VCAM1: variants seen among roughly 807,000 people sequenced by gnomAD.
VCAM1 encodes vascular cell adhesion molecule 1.
Under a neutral mutation model 63.8 loss-of-function variants are expected in VCAM1, and 41 were observed. That is an observed-to-expected ratio of 0.64 (90% CI 0.50 to 0.83). VCAM1 has a LOEUF of 0.83. Ranked by LOEUF, VCAM1 falls within the 40% of genes least tolerant of loss-of-function variation. The pLI is 0.00. For missense variants in VCAM1, 798 were observed against 875.5 expected (o/e 0.91, Z 1.12); for synonymous variants, 338 against 320.7 (o/e 1.05, Z -0.58).
Position 100,738,763 on chromosome 1 carries a change from C to T in VCAM1, c.*480C>T, listed in dbSNP as rs1483178267. The stretch of plus-strand genomic sequence containing the variant: ...CTATATAGTTTATTGACAATAATTT[C>T]AGGTTTTGTAAAGATGCCGGGTTTT... On this transcript the variant is annotated 3_prime_UTR_variant, in exon 9 of 9. Transcript: ENST00000294728. 1.3e-5 allele frequency: 2 copies of T among 152,358 alleles called. No homozygotes were observed. The highest frequency in any genetic ancestry group is 4.8e-5 in the African/African-American group (2 of 41,410). The allele number at this position is 152,358 out of a possible 1,614,324, so 9.4% of individuals were successfully genotyped here.
chr1:100,719,778 T>C lies in VCAM1; in HGVS notation c.-83T>C. Reference sequence around the variant, plus strand: ...ATCGGGCCTCACTGGCTTCAGGAGCTGAATACCCTCCCAGGCACACACAGG... The same window carrying C: ...ATCGGGCCTCACTGGCTTCAGGAGCCGAATACCCTCCCAGGCACACACAGG... On this transcript the variant is annotated 5_prime_UTR_variant, in exon 1 of 9. Transcript: ENST00000294728. The C allele has an allele frequency of 6.9e-7, 1 of 1,446,900 alleles. No homozygotes were observed. Among genetic ancestry groups the C allele is most frequent in the Admixed American group, 1.9e-5 (1 of 53,424 alleles). 89.6% of individuals were successfully genotyped at this position (1,446,900 alleles called of 1,614,324 possible).
In VCAM1 at chr1:100,731,071, A is replaced by G. The variant is rs1660435499; in HGVS notation, c.1205-127A>G. On this transcript the variant is annotated intron_variant, in intron 5 of 8. Coordinates refer to ENST00000294728, the MANE Select transcript of VCAM1 (RefSeq NM_001078.4). The surrounding 1 kb of genome is among the most constrained non-coding windows in gnomAD (Gnocchi z 4.2). ...ATTTATAAATACTGTCATTACTTAT[A>G]TATTGACAGTCATTCTATCCCAGGT... 2 of 760,294 alleles carry G rather than the reference A, an allele frequency of 2.6e-6. No homozygotes were observed. The highest frequency in any genetic ancestry group is 4.1e-6 in the Non-Finnish European group (2 of 482,166). The allele number at this position is 760,294 out of a possible 1,614,324, so 47.1% of individuals were successfully genotyped here.
chr1:100,721,303 A>AT (rs34037455), intron 2 of VCAM1, among the ~76,000 whole-genome samples: 25 of 151,258 alleles, frequency 1.7e-4, no homozygotes, highest in Non-Finnish European at 2.2e-4. Flanking sequence ...CACATTTAGG[A>AT]TTTTTTTTTG....
intron 2 of VCAM1, among the ~76,000 whole-genome samples, chr1:100,721,498 C>T (rs1401957628): frequency 6.6e-6 from 1 of 152,100 alleles, no homozygotes; most frequent in Non-Finnish European, 1.5e-5. Context: ...ACTAACCAGA[C>T]ATAAATCATT....
Position 100,732,646 on chromosome 1 carries a change from C to T in VCAM1, c.1754C>T (p.Ala585Val), listed in dbSNP as rs1203572046. The T allele has an allele frequency of 6.2e-7, 1 of 1,605,474 alleles. No individual in the cohort carries two copies. Among genetic ancestry groups the T allele is most frequent in the Non-Finnish European group, 8.5e-7 (1 of 1,177,058 alleles). Residue 585 changes from alanine to valine, a missense_variant, in exon 7 of 9, where the codon GCT (alanine) becomes GTT (valine). By Grantham distance (64) the Ala-to-Val change is moderately conservative. Transcript: ENST00000294728. ...TATTTATGTGAAGGAATTAACCAGG[C>T]TGGAAGAAGCAGAAAGGAAGTGGAA... ...GVYLCEGINQ[A>V]GRSRKEVELI...
rs35811606 is a variant in VCAM1 at position 100,728,715 on chromosome 1, A to AATATATATATAT, written c.929-380_929-369dup. 4.8e-3 allele frequency among the ~76,000 whole-genome samples: 691 copies of AATATATATATAT among 145,020 alleles called. 8 individuals carry two copies. The highest frequency in any genetic ancestry group is 0.017 in the African/African-American group (665 of 39,006). On this transcript the variant is annotated intron_variant, in intron 4 of 8. Transcript: ENST00000294728. ...AAAATTGTTGTGAGGATTAAATGAG[A>AATATATATATAT]ATATATATATATATATATATATAGT...
chr1:100,736,253 T>C (rs1660644152), intron 8 of VCAM1: 2 of 152,318 alleles, frequency 1.3e-5, no homozygotes, highest in Middle Eastern at 6.8e-3. Flanking sequence ...AATCAAAGAA[T>C]ATTAAGCGCT....
chr1:100,720,397 G>A lies in VCAM1; in HGVS notation c.65-79G>A, dbSNP rs1659917662. 5.4e-6 allele frequency: 8 copies of A among 1,494,658 alleles called. No individual in the cohort carries two copies. The South Asian group carries it at 9.3e-5, about 17-fold the overall frequency. The allele number at this position is 1,494,658 out of a possible 1,614,324, so 92.6% of individuals were successfully genotyped here. On this transcript the variant is annotated intron_variant, in intron 1 of 8. Coordinates refer to ENST00000294728, the MANE Select transcript of VCAM1 (RefSeq NM_001078.4). ...AAGAGATCAGTCTGATCATATTTTA[G>A]ACATTATACAGAGAAGAAGGAGGAG... is the stretch of plus-strand genomic sequence containing the variant.
rs1660494100 is a variant in VCAM1, at chr1:100,732,442, T to G, written c.1550T>G (p.Leu517Trp). The G allele has an allele frequency of 1.3e-6, 2 of 1,584,626 alleles. No homozygotes were observed. The highest frequency in any genetic ancestry group is 1.7e-6 in the Non-Finnish European group (2 of 1,168,316). The change falls in exon 7 of 9, where the codon TTG becomes TGG. Residue 517 changes from leucine to tryptophan, a missense_variant. By Grantham distance (61) the Leu-to-Trp change is moderately conservative. Transcript: ENST00000294728. The part of the protein sequence containing the change: ...VNVAPRDTTV[L>W]VSPSSILEEG... The stretch of plus-strand genomic sequence containing the variant: ...GTTGCCCCCAGAGATACAACCGTCT[T>G]GGTCAGCCCTTCCTCCATCCTGGAG...
At chr1:100,737,356 G>C (rs762610594) in intron 8 of VCAM1, 4 of 152,110 alleles carry the variant, frequency 2.6e-5, no homozygotes, top group African/African-American at 9.7e-5. Context: ...ATGGATAAAT[G>C]TTTAATTAAA....
Position 100,723,075 on chromosome 1 carries a change from G to A in VCAM1, c.396G>A (p.Pro132=). The A allele has an allele frequency of 6.2e-7, 1 of 1,612,768 alleles. No homozygotes were observed. Among genetic ancestry groups the A allele is most frequent in the Non-Finnish European group, 8.5e-7 (1 of 1,179,342 alleles). The change falls in exon 3 of 9, where the codon CCG becomes CCA. Residue 132 remains proline (P), a synonymous_variant. Coordinates refer to ENST00000294728, the MANE Select transcript of VCAM1 (RefSeq NM_001078.4). ...GTGGCCCTCTGGAGGCTGGGAAGCC[G>A]ATCACAGTCAAGTGTTCAGTTGCTG... ...HLSGPLEAGK[P]ITVKCSVADV...
rs3783610 is a variant in VCAM1, at chr1:100,719,847, G to A, written c.-14G>A. 4.3e-6 allele frequency: 7 copies of A among 1,610,110 alleles called. No homozygotes were observed. Among genetic ancestry groups the A allele is most frequent in the African/African-American group, 1.3e-5 (1 of 74,722 alleles). On this transcript the variant is annotated 5_prime_UTR_variant, in exon 1 of 9. Coordinates refer to ENST00000294728, the MANE Select transcript of VCAM1 (RefSeq NM_001078.4). ...TTTGGAACCACTATTTTCTCATCACGACAGCAACTTAAAATGCCTGGGAAG... is the reference window on the plus strand; with the variant it reads ...TTTGGAACCACTATTTTCTCATCACAACAGCAACTTAAAATGCCTGGGAAG...
intron 4 of VCAM1, among the ~76,000 whole-genome samples, chr1:100,727,023 A>C (rs528407901): frequency 7.7e-5 from 11 of 143,712 alleles, no homozygotes; most frequent in Middle Eastern, 3.4e-3. Context: ...AAATCTGTAA[A>C]CTCCTTAAAA....
chr1:100,735,041 C>A (rs113211453), intron 8 of VCAM1: 2 of 376,432 alleles, frequency 5.3e-6, no homozygotes, highest in Admixed American at 4.2e-5. Context: ...AAATGTTTAA[C>A]CATATTTTCA....
rs375080958 is a variant in VCAM1 at position 100,729,224 on chromosome 1, C to T, written c.1046C>T (p.Thr349Ile). Residue 349 changes from threonine to isoleucine, a missense_variant, in exon 5 of 9, where the codon ACC becomes ATC. Coordinates refer to ENST00000294728, the MANE Select transcript of VCAM1 (RefSeq NM_001078.4). ...GAATCCCCATCTTTCTCCTGGAGAA[C>T]CCAGATAGACAGCCCTCTGAGCGGG... The part of the protein sequence containing the change: ...GCESPSFSWR[T>I]QIDSPLSGKV... 14 of 1,613,426 alleles carry T rather than the reference C, an allele frequency of 8.7e-6. No homozygotes were observed. Among genetic ancestry groups the T allele is most frequent in the African/African-American group, 4.0e-5 (3 of 74,852 alleles).
In VCAM1 at chr1:100,731,557, T is replaced by C. The variant is rs1660458715; in HGVS notation, c.1525+39T>C. On this transcript the variant is annotated intron_variant, in intron 6 of 8. Transcript: ENST00000294728. This position sits in a 1 kb window ranked among gnomAD's most constrained non-coding sequence, Gnocchi z 4.2. Reference sequence around the variant, plus strand: ...TGAGGTATCTACAGTTTAATACCTGTCTCTTTATCGTGTTTGCCAGGCAAT... The same window carrying C: ...TGAGGTATCTACAGTTTAATACCTGCCTCTTTATCGTGTTTGCCAGGCAAT... 2.6e-6 allele frequency: 4 copies of C among 1,540,954 alleles called. No individual in the cohort carries two copies. The highest frequency in any genetic ancestry group is 1.4e-5 in the African/African-American group (1 of 72,778).
At chr1:100,724,488 A>G in intron 3 of VCAM1, 136 bp from the exon 4 acceptor site, 1 of 963,920 alleles carries the variant, frequency 1.0e-6, no homozygotes, top group Non-Finnish European at 1.5e-6. Flanking sequence ...TGAATGATTC[A>G]GCAGTTCTTT....
intron 7 of VCAM1, among the ~76,000 whole-genome samples, chr1:100,734,152 G>A (rs1316603041): frequency 6.6e-6 from 1 of 152,158 alleles, no homozygotes; most frequent in African/African-American, 2.4e-5. Flanking sequence ...CCATGATCCA[G>A]TCACCTCTCA....
chr1:100,724,592 G>A (rs541204528), intron 3 of VCAM1, 32 bp from the exon 4 acceptor site: 2 of 1,603,030 alleles, frequency 1.2e-6, no homozygotes, highest in South Asian at 1.1e-5. Flanking sequence ...ATGATGCTTA[G>A]CAATTGCTAA....
Sources: gnomAD v4.1 joint callset for allele counts (sites outside exome capture counted in the v4.1 genomes callset) on GRCh38, gnomAD v4.1.1 for gene constraint, Gnocchi (gnomAD v3.1) non-coding constraint, MANE v1.5 for transcripts, NCBI Gene and HGNC (gene_info 2026-07-23, HGNC 2026-07-21) for gene names.